Variants in DDC observed in about 807,000 individuals in gnomAD.
DDC encodes dopa decarboxylase, also known as aromatic-L-amino-acid decarboxylase.
A neutral mutation model predicts 60.0 loss-of-function variants in DDC; 43 were observed. That is an observed-to-expected ratio of 0.72 (90% CI 0.56 to 0.92). DDC has a LOEUF of 0.92. Among genes scored for constraint, DDC ranks in the 40% least tolerant of loss-of-function variants. DDC has a pLI of 0.00. For synonymous variants in DDC, 232 were observed against 234.6 expected (o/e 0.99, Z 0.10); for missense variants, 573 against 620.2 (o/e 0.92, Z 0.81).
At chr7:50,504,829 C>T (rs1465500708) in intron 6 of DDC, among the ~76,000 whole-genome samples, 1 of 152,188 alleles carries the variant, frequency 6.6e-6, no homozygotes, top group Admixed American at 6.5e-5. Context: ...TCATGGAATG[C>T]TTCTTTCAGA....
chr7:50,546,143 G>A (rs527794660), intron 1 of DDC, among the ~76,000 whole-genome samples: 1 of 152,302 alleles, frequency 6.6e-6, no homozygotes, highest in African/African-American at 2.4e-5. Flanking sequence ...TAGCAATGGT[G>A]ATGACCTTAC....
At chr7:50,504,264 T>G (rs2043334929) in intron 6 of DDC, among the ~76,000 whole-genome samples, 1 of 152,182 alleles carries the variant, frequency 6.6e-6, no homozygotes, top group African/African-American at 2.4e-5. Flanking sequence ...GAAACAGATT[T>G]GCAGACAGAA....
At chr7:50,541,172 G>A (rs2044617352) in intron 2 of DDC, among the ~76,000 whole-genome samples, 1 of 152,172 alleles carries the variant, frequency 6.6e-6, no homozygotes, top group Non-Finnish European at 1.5e-5. Context: ...TCCCCTGCTG[G>A]TGCTCCATGT....
chr7:50,508,090 C>G (rs1170449185), intron 6 of DDC, among the ~76,000 whole-genome samples: 1 of 152,222 alleles, frequency 6.6e-6, no homozygotes. Context: ...TGGGCCATGC[C>G]AGAGGCCCCT....
intron 7 of DDC, among the ~76,000 whole-genome samples, chr7:50,501,939 T>C (rs1466361477): frequency 6.6e-6 from 1 of 152,186 alleles, no homozygotes; most frequent in African/African-American, 2.4e-5. Context: ...CCAGGCATGA[T>C]GGCATGTGCC....
intron 10 of DDC, among the ~76,000 whole-genome samples, chr7:50,478,047 A>T (rs1388952429): frequency 1.3e-5 from 2 of 151,392 alleles, no homozygotes; most frequent in Admixed American, 1.4e-4. Context: ...ACCAAAAAAA[A>T]AAAAAAATAC....
At chr7:50,464,049 GC>G (rs1300699173) in intron 13 of DDC, among the ~76,000 whole-genome samples, 1 of 151,956 alleles carries the variant, frequency 6.6e-6, no homozygotes, top group East Asian at 1.9e-4. Context: ...TGCTTCCATA[GC>G]AGCCGGTCTT....
At chr7:50,514,536 G>A (rs1171541239) in intron 6 of DDC, among the ~76,000 whole-genome samples, 1 of 152,166 alleles carries the variant, frequency 6.6e-6, no homozygotes, top group African/African-American at 2.4e-5. Flanking sequence ...GCTAATCGGG[G>A]AAGCACCAGA....
Position 50,463,334 on chromosome 7 carries a change from C to T in DDC, c.1340G>A (p.Arg447His), listed in dbSNP as rs767329849. 20 of 1,614,252 alleles carry T rather than the reference C, an allele frequency of 1.2e-5. No individual in the cohort carries two copies. Among genetic ancestry groups the T allele is most frequent in the South Asian group, 5.5e-5 (5 of 91,088 alleles). ...CACCGTGCGAGAACAGATGGCAAAGCGCAGGACAAACTTGTCCCTGAGGTG... is the reference window on the plus strand; with the variant it reads ...CACCGTGCGAGAACAGATGGCAAAGTGCAGGACAAACTTGTCCCTGAGGTG... ...PCHLRDKFVL[R>H]FAICSRTVES... Residue 447 changes from arginine (R) to histidine (H), a missense_variant, in exon 14 of 15, where the codon CGC becomes CAC. Transcript: ENST00000444124.
At chr7:50,558,866 G>A (rs914228974) in intron 1 of DDC, among the ~76,000 whole-genome samples, 23 of 152,188 alleles carry the variant, frequency 1.5e-4, no homozygotes, top group African/African-American at 5.3e-4. Context: ...CAGGGCTCCT[G>A]CCTGGTTCAC....
At position 50,543,430 on chromosome 7, in the gene DDC, C is replaced by A. The variant is rs999412257; in HGVS notation, c.201+455G>T. On this transcript the variant is annotated intron_variant, in intron 2 of 14. Transcript: ENST00000444124. ...TTGGTGGGCAGCACCACACTGCCCACTCTCAAATAAACTAAAGAAAACGTT... is the reference window on the plus strand; with the variant it reads ...TTGGTGGGCAGCACCACACTGCCCAATCTCAAATAAACTAAAGAAAACGTT... 3 of 288,580 alleles carry A rather than the reference C, an allele frequency of 1.0e-5. No individual in the cohort carries two copies. In the South Asian group the frequency reaches 1.1e-4, roughly 11 times the overall value. 17.9% of individuals were successfully genotyped at this position (288,580 alleles called of 1,614,324 possible). A position where few individuals can be genotyped will look rare whatever the true frequency, so the allele number is the denominator to read the frequency against.
intron 6 of DDC, among the ~76,000 whole-genome samples, chr7:50,513,696 G>T (rs999727493): frequency 6.6e-6 from 1 of 151,982 alleles, no homozygotes; most frequent in African/African-American, 2.4e-5. Flanking sequence ...GGCTGTGACT[G>T]CTGGCTTTCC....
chr7:50,490,020 G>A (rs6968322), intron 9 of DDC, among the ~76,000 whole-genome samples: 198 of 152,304 alleles, frequency 1.3e-3, no homozygotes, highest in African/African-American at 4.1e-3. Flanking sequence ...AAAGAATAAA[G>A]GTTGTGAAAT....
intron 14 of DDC, among the ~76,000 whole-genome samples, chr7:50,459,892 C>T (rs1348290424): frequency 2.9e-5 from 4 of 139,730 alleles, no homozygotes; most frequent in South Asian, 2.2e-4. Context: ...GGGGGGTCAG[C>T]CCCCCGCCCG....
intron 6 of DDC, among the ~76,000 whole-genome samples, chr7:50,526,306 A>T (rs2044036241): frequency 6.6e-6 from 1 of 152,230 alleles, no homozygotes; most frequent in Non-Finnish European, 1.5e-5. Flanking sequence ...TACCAAAAAT[A>T]AAACTAGCTA....
rs61319422 is a variant in DDC at position 50,512,970 on chromosome 7, C to T, written c.715-8911G>A. 8.7e-3 allele frequency among the ~76,000 whole-genome samples: 1,328 copies of T among 152,284 alleles called. 17 individuals carry two copies. Among genetic ancestry groups the T allele is most frequent in the African/African-American group, 0.03 (1,229 of 41,560 alleles). On this transcript the variant is annotated intron_variant, in intron 6 of 14. Transcript: ENST00000444124. Reference sequence around the variant, plus strand: ...TTATACCTAAGGCCAATCATCATGGCATATGGGAGGCAGGACTAGATTGAG... The same window carrying T: ...TTATACCTAAGGCCAATCATCATGGTATATGGGAGGCAGGACTAGATTGAG...
chr7:50,557,969 T>C (rs1045800297), intron 1 of DDC, among the ~76,000 whole-genome samples: 8 of 152,254 alleles, frequency 5.3e-5, no homozygotes, highest in Admixed American at 2.0e-4. Context: ...TTTTCATTCA[T>C]GGTTGCTAAT....
At chr7:50,563,466 T>C (rs1016967521) in intron 1 of DDC, among the ~76,000 whole-genome samples, 2 of 152,238 alleles carry the variant, frequency 1.3e-5, no homozygotes, top group African/African-American at 2.4e-5. Flanking sequence ...CAGTTTACTA[T>C]AATTGGTAAA....
chr7:50,479,916 C>G (rs1373056279), intron 9 of DDC, 53 bp from the exon 10 acceptor site: 8 of 1,421,740 alleles, frequency 5.6e-6, no homozygotes, highest in African/African-American at 1.4e-5. Flanking sequence ...CTAGACTGGA[C>G]CACCTCTCCC....
Sources: gnomAD v4.1 joint callset for allele counts (sites outside exome capture counted in the v4.1 genomes callset) on GRCh38, gnomAD v4.1.1 for gene constraint, MANE v1.5 for transcripts, NCBI Gene and HGNC (gene_info 2026-07-23, HGNC 2026-07-21) for gene names.